The following RGS6 variants were observed in gnomAD, a reference collection of about 807,000 sequenced individuals.
The protein encoded by RGS6 is regulator of G-protein signaling 6.
In RGS6, 30 loss-of-function variants were observed where a neutral mutation model predicts 78.5. That is an observed-to-expected ratio of 0.38 (90% CI 0.29 to 0.52). The LOEUF is 0.52. Ranked by LOEUF, RGS6 falls within the 20% of genes least tolerant of loss-of-function variation. RGS6 has a pLI of 0.85. For synonymous variants in RGS6, 206 were observed against 206.0 expected (o/e 1.00, Z 0.00); for missense variants, 495 against 609.7 (o/e 0.81, Z 1.98).
At chr14:72,333,169 A>G (rs1333092059) in intron 2 of RGS6, among the ~76,000 whole-genome samples, 1 of 152,198 alleles carries the variant, frequency 6.6e-6, no homozygotes, top group African/African-American at 2.4e-5. Context: ...CTTCTTGGGA[A>G]TGGGAGATGC....
chr14:72,580,414 G>A, the RGS6 span, among the ~76,000 whole-genome samples: 2 of 150,906 alleles, frequency 1.3e-5, no homozygotes, highest in African/African-American at 4.9e-5. Flanking sequence ...GCTCTGACCT[G>A]TAGCCCTGAG....
At chr14:72,264,464 G>T (rs1344573403) in intron 2 of RGS6, among the ~76,000 whole-genome samples, 1 of 152,158 alleles carries the variant, frequency 6.6e-6, no homozygotes, top group Non-Finnish European at 1.5e-5. Context: ...ATTTTTATTT[G>T]TTCATTTCTT....
chr14:72,537,656 A>G, intron 16 of RGS6: 1 of 653,626 alleles, frequency 1.5e-6, no homozygotes, highest in Non-Finnish European at 2.7e-6. Context: ...TAAGAACTAG[A>G]GGAAAGAAAA....
At chr14:71,951,966 A>C (rs1423160498) in intron 1 of RGS6, among the ~76,000 whole-genome samples, 1 of 152,198 alleles carries the variant, frequency 6.6e-6, no homozygotes, top group Admixed American at 6.5e-5. Context: ...GACTTTGCTA[A>C]ATTCACTGAA....
chr14:72,550,331 G>T lies in RGS6; in HGVS notation c.1422+10237G>T, dbSNP rs548895292. Reference sequence around the variant, plus strand: ...CTAGGTATAAGAGGTGGGGGAGAGGGAAGGCAGGGAGGCAGAGGGCACCTG... The same window carrying T: ...CTAGGTATAAGAGGTGGGGGAGAGGTAAGGCAGGGAGGCAGAGGGCACCTG... On this transcript the variant is annotated intron_variant, in intron 17 of 17. Transcript: ENST00000553525. 5.2e-5 allele frequency: 39 copies of T among 749,374 alleles called. No homozygotes were observed. The African/African-American group carries it at 5.5e-4, about 11-fold the overall frequency. 46.4% of individuals were successfully genotyped at this position (749,374 alleles called of 1,614,324 possible). A position where few individuals can be genotyped will look rare whatever the true frequency, so the allele number is the denominator to read the frequency against.
intron 3 of RGS6, among the ~76,000 whole-genome samples, chr14:72,379,201 A>C (rs957617474): frequency 6.6e-6 from 1 of 152,142 alleles, no homozygotes; most frequent in Admixed American, 6.5e-5. Context: ...TAAAGGCCAC[A>C]TATGATAAAC....
At chr14:72,597,953 G>A in the RGS6 span, among the ~76,000 whole-genome samples, 4 of 152,180 alleles carry the variant, frequency 2.6e-5, no homozygotes, top group African/African-American at 9.7e-5. Flanking sequence ...TCCCACTCAA[G>A]GGTGTTGAGA....
In RGS6 at chr14:72,332,114, G is replaced by C. The variant is rs551047243; in HGVS notation, c.85-19981G>C. Among the ~76,000 whole-genome samples the C allele has an allele frequency of 2.6e-5, 4 of 152,332 alleles. No homozygotes were observed. In the South Asian group the frequency reaches 8.3e-4, roughly 32 times the overall value. ...GAGCCCAAGTTCCTTAGGAGGTGCA[G>C]CCTGTGGCCCCAGAGCTTCCTCTTG... is the stretch of plus-strand genomic sequence containing the variant. On this transcript the variant is annotated intron_variant, in intron 2 of 17. Transcript: ENST00000553525.
At chr14:72,083,315 T>A (rs943556039) in intron 2 of RGS6, among the ~76,000 whole-genome samples, 5 of 152,136 alleles carry the variant, frequency 3.3e-5, no homozygotes, top group Non-Finnish European at 7.3e-5. Context: ...GAAACATCTT[T>A]GTGCTCGCTG....
At chr14:72,368,640 T>C (rs1032013603) in intron 3 of RGS6, among the ~76,000 whole-genome samples, 6 of 152,254 alleles carry the variant, frequency 3.9e-5, no homozygotes, top group African/African-American at 1.4e-4. Context: ...ATCCCAATTC[T>C]ATCTCTTTCT....
intron 2 of RGS6, among the ~76,000 whole-genome samples, chr14:72,188,194 A>G (rs78873191): frequency 0.048 from 7,362 of 152,248 alleles, 230 homozygotes; most frequent in Middle Eastern, 0.1. Context: ...TGTGAGTCCA[A>G]TGTTAGTGAA....
At chr14:72,378,134 G>A (rs761828252) in intron 3 of RGS6, among the ~76,000 whole-genome samples, 6 of 152,146 alleles carry the variant, frequency 3.9e-5, no homozygotes, top group Non-Finnish European at 8.8e-5. Flanking sequence ...AAAATTTAAA[G>A]TGAAATTTAA....
intron 2 of RGS6, among the ~76,000 whole-genome samples, chr14:72,304,105 C>G (rs920948613): frequency 1.3e-5 from 2 of 152,218 alleles, no homozygotes; most frequent in African/African-American, 4.8e-5. Flanking sequence ...ACCTCTCCCC[C>G]TTGTTACTAC....
chr14:72,454,228 A>T (rs142381738), intron 3 of RGS6, among the ~76,000 whole-genome samples: 1 of 152,220 alleles, frequency 6.6e-6, no homozygotes, highest in African/African-American at 2.4e-5. Flanking sequence ...GGGGCCAGGC[A>T]TGATAAAGCT....
intron 2 of RGS6, among the ~76,000 whole-genome samples, chr14:72,102,894 A>C (rs888737515): frequency 1.3e-5 from 2 of 152,166 alleles, no homozygotes; most frequent in African/African-American, 4.8e-5. Flanking sequence ...GTTCACACTC[A>C]GGGTTCGTGA....
intron 3 of RGS6, among the ~76,000 whole-genome samples, chr14:72,410,962 G>T (rs1353436062): frequency 6.6e-6 from 1 of 152,276 alleles, no homozygotes; most frequent in Admixed American, 6.5e-5. Flanking sequence ...TGCTGTTTTG[G>T]TTACTGTAGC....
chr14:71,899,912 A>G, the RGS6 span, among the ~76,000 whole-genome samples: 1 of 152,134 alleles, frequency 6.6e-6, no homozygotes. Flanking sequence ...TTGTTTTACA[A>G]CCATCTGTTC....
chr14:72,057,126 C>G (rs577994464), intron 2 of RGS6, among the ~76,000 whole-genome samples: 2 of 151,772 alleles, frequency 1.3e-5, no homozygotes, highest in East Asian at 1.9e-4. Flanking sequence ...CCAGCCTAGG[C>G]AACATGGTGA....
chr14:71,961,358 C>T (rs1054927261), intron 1 of RGS6, among the ~76,000 whole-genome samples: 1 of 152,130 alleles, frequency 6.6e-6, no homozygotes, highest in Non-Finnish European at 1.5e-5. Context: ...CAATGCCCAA[C>T]TGAGGTCCAG....
Sources: allele counts gnomAD v4.1 joint callset (sites outside exome capture counted in the v4.1 genomes callset), GRCh38; gene constraint gnomAD v4.1.1; transcripts MANE v1.5; gene names NCBI Gene and HGNC (gene_info 2026-07-23, HGNC 2026-07-21).